The following KIAA0586 variants were observed in gnomAD, a reference collection of about 807,000 sequenced individuals.
The protein encoded by KIAA0586 is KIAA0586, also known as protein TALPID3.
A neutral mutation model predicts 169.8 loss-of-function variants in KIAA0586; 144 were observed. That is an observed-to-expected ratio of 0.85 (90% confidence interval 0.74 to 0.97). KIAA0586 has a LOEUF of 0.97. Among genes scored for constraint, KIAA0586 ranks in the 50% least tolerant of loss-of-function variants. The probability of loss-of-function intolerance (pLI) is 0.00; values close to 1 mark genes in which losing one functional copy is unlikely to be tolerated. For synonymous variants in KIAA0586, 625 were observed against 612.4 expected, an observed-to-expected ratio of 1.02 and a Z score of -0.30; for missense variants, 1,854 against 1,823.0, an observed-to-expected ratio of 1.02 and a Z score of -0.31.
In KIAA0586 at chr14:58,548,627, G is replaced by A. The variant is rs1479717618; in HGVS notation, c.*695G>A. 1 of 152,158 alleles carries A rather than the reference G, an allele frequency of 6.6e-6. No individual in the cohort carries two copies. The highest frequency in any genetic ancestry group is 1.5e-5 in the Non-Finnish European group (1 of 68,032). The allele number at this position is 152,158 out of a possible 1,614,324, so 9.4% of individuals were successfully genotyped here. On this transcript the variant is annotated 3_prime_UTR_variant, in exon 31 of 31. Coordinates refer to ENST00000652326, the MANE Select transcript of KIAA0586 (RefSeq NM_001329943.3). The stretch of plus-strand genomic sequence containing the variant: ...GGCTGGGTGATAGGAGAGGCTAAGT[G>A]ATAGGAATCAAGGATAATCGTGGTT...
chr14:58,531,795 A>G (rs536785222), intron 29 of KIAA0586, among the ~76,000 whole-genome samples: 1 of 152,216 alleles, frequency 6.6e-6, no homozygotes, highest in Non-Finnish European at 1.5e-5. Flanking sequence ...AATGCCCATC[A>G]ATGATTGACT....
rs936885536 is a variant in KIAA0586 at position 58,448,215 on chromosome 14, C to T, written c.808-125C>T. 18 of 641,342 alleles carry T rather than the reference C, an allele frequency of 2.8e-5. No homozygotes were observed. The East Asian group carries it at 5.1e-4, about 18-fold the overall frequency. The allele number at this position is 641,342 out of a possible 1,614,324, so 39.7% of individuals were successfully genotyped here. A position where few individuals can be genotyped will look rare whatever the true frequency, so the allele number is the denominator to read the frequency against. Reference sequence around the variant, plus strand: ...TACAGTGGATACTTGCAATGTAATACATATTTTTCATTGTTTATTAAATGC... The same window carrying T: ...TACAGTGGATACTTGCAATGTAATATATATTTTTCATTGTTTATTAAATGC... On this transcript the variant is annotated intron_variant, in intron 6 of 30. Transcript: ENST00000652326.
chr14:58,456,772 C>G lies in KIAA0586; in HGVS notation c.1324C>G (p.Leu442Val). 2 of 1,603,610 alleles carry G rather than the reference C, an allele frequency of 1.2e-6. No individual in the cohort carries two copies. The highest frequency in any genetic ancestry group is 2.2e-5 in the East Asian group (1 of 44,680). ...GAAGTCTGATGATGTTCTTCATGAC[C>G]TTGGCCAAAAAGAGAAAGAAACAAA... is the stretch of plus-strand genomic sequence containing the variant. ...MQKSDDVLHD[L>V]GQKEKETNSM... is the part of the protein sequence containing the mutation. Residue 442 changes from leucine to valine, a missense_variant, in exon 10 of 31, where the codon CTT becomes GTT. Coordinates refer to ENST00000652326, the MANE Select transcript of KIAA0586 (RefSeq NM_001329943.3).
rs2047193403 is a variant in KIAA0586 at position 58,551,220 on chromosome 14, C to T, written c.*3288C>T. 1 of 151,854 alleles carries T rather than the reference C, an allele frequency of 6.6e-6. No individual in the cohort carries two copies. 9.4% of individuals were successfully genotyped at this position (151,854 alleles called of 1,614,324 possible). A position where few individuals can be genotyped will look rare whatever the true frequency, so the allele number is the denominator to read the frequency against. ...AAATAAATAAATAAATAAAATGTTC[C>T]TCTGTTTTAAATCCTAAATTCGTTC... On this transcript the variant is annotated 3_prime_UTR_variant, in exon 31 of 31. Coordinates refer to ENST00000652326, the MANE Select transcript of KIAA0586 (RefSeq NM_001329943.3).
chr14:58,473,900 C>CT (rs1284168953), intron 18 of KIAA0586, among the ~76,000 whole-genome samples: 1 of 151,748 alleles, frequency 6.6e-6, no homozygotes, highest in Non-Finnish European at 1.5e-5. Context: ...GAGTGAAACT[C>CT]TGTCTTAAAG....
At chr14:58,516,956 C>G (rs939258590) in intron 29 of KIAA0586, among the ~76,000 whole-genome samples, 1 of 152,010 alleles carries the variant, frequency 6.6e-6, no homozygotes, top group Non-Finnish European at 1.5e-5. Context: ...AAAAAAGAAC[C>G]TCAATCTATA....
intron 24 of KIAA0586, among the ~76,000 whole-genome samples, 200 bp downstream of exon 24, chr14:58,489,074 C>T (rs879524779): frequency 3.9e-5 from 6 of 152,112 alleles, no homozygotes; most frequent in African/African-American, 1.2e-4. Flanking sequence ...ATCCCACCCT[C>T]CAGAAATAAT....
intron 30 of KIAA0586, among the ~76,000 whole-genome samples, chr14:58,546,162 T>C (rs2046968408): frequency 6.6e-6 from 1 of 152,242 alleles, no homozygotes; most frequent in Non-Finnish European, 1.5e-5. Flanking sequence ...TAAAACTTGT[T>C]TTCTTTTTAA....
At chr14:58,465,751 TGAAGAG>T in intron 14 of KIAA0586, 78 bp from the exon 15 acceptor site, 1 of 824,390 alleles carries the variant, frequency 1.2e-6, no homozygotes, top group Non-Finnish European at 1.8e-6. Flanking sequence ...GATTTTTCTG[TGAAGAG>T]CTGTTGTATT....
chr14:58,528,391 C>T (rs951398416), intron 29 of KIAA0586, among the ~76,000 whole-genome samples: 2 of 152,196 alleles, frequency 1.3e-5, no homozygotes, highest in African/African-American at 4.8e-5. Flanking sequence ...CCCAAATCAA[C>T]AGAGTATACA....
At chr14:58,519,391 A>T (rs1359602209) in intron 29 of KIAA0586, among the ~76,000 whole-genome samples, 2 of 152,152 alleles carry the variant, frequency 1.3e-5, no homozygotes, top group Non-Finnish European at 2.9e-5. Flanking sequence ...GGTGTGTGCC[A>T]TCATGCCTGA....
rs369143869 is a variant in KIAA0586 at position 58,442,871 on chromosome 14, G to A, written c.576G>A (p.Pro192=). Residue 192 remains proline (P), a synonymous_variant, in exon 5 of 31, where the codon CCG becomes CCA. Coordinates refer to ENST00000652326, the MANE Select transcript of KIAA0586 (RefSeq NM_001329943.3). ...CTGCTGCCATTGCAACCGCAGCTCC[G>A]TTGATAAAGGTATATTTTTCTTCCC... ...ATAAAIATAA[P]LIKVQSDLEA... 39 of 1,600,784 alleles carry A rather than the reference G, an allele frequency of 2.4e-5. No homozygotes were observed. The highest frequency in any genetic ancestry group is 8.0e-5 in the African/African-American group (6 of 74,544).
At position 58,508,691 on chromosome 14, in the gene KIAA0586, C is replaced by G. The variant is rs144692893; in HGVS notation, c.4305C>G (p.Ala1435=). 8.8e-6 allele frequency: 14 copies of G among 1,587,638 alleles called. No individual in the cohort carries two copies. The highest frequency in any genetic ancestry group is 1.1e-5 in the Non-Finnish European group (13 of 1,166,188). Residue 1435 remains alanine (A), a synonymous_variant, in exon 28 of 31, where the codon GCC becomes GCG. Transcript: ENST00000652326. ...AAAATGATGTTAATTTACCAGTAGC[C>G]GCTGAAGATTTTTCCCAGGTACCAA... ...AQENDVNLPV[A]AEDFSQYQLK...
At chr14:58,460,946 G>T in intron 13 of KIAA0586, 40 bp from the exon 14 acceptor site, 1 of 1,424,102 alleles carries the variant, frequency 7.0e-7, no homozygotes, top group South Asian at 1.6e-5. Context: ...AGTGTTTGAT[G>T]ACTGTTTTCA....
intron 4 of KIAA0586, among the ~76,000 whole-genome samples, chr14:58,434,438 T>G (rs2037642111): frequency 6.6e-6 from 1 of 152,070 alleles, no homozygotes; most frequent in African/African-American, 2.4e-5. Context: ...TCTTGAAAAA[T>G]TTTAAGAAAC....
chr14:58,440,049 A>T lies in KIAA0586; in HGVS notation c.411-2657A>T, dbSNP rs1175271813. On this transcript the variant is annotated intron_variant, in intron 4 of 30. Coordinates refer to ENST00000652326, the MANE Select transcript of KIAA0586 (RefSeq NM_001329943.3). ...TTTCAGGGTCTTTTTTTAATTTTTA[A>T]TTTTTTTTTTTTTTTTCTAGAGACA... 1.1e-3 allele frequency: 184 copies of T among 164,164 alleles called. 1 individual carries two copies. Among genetic ancestry groups the T allele is most frequent in the Middle Eastern group, 4.7e-3 (2 of 422 alleles). 10.2% of individuals were successfully genotyped at this position (164,164 alleles called of 1,614,324 possible).
upstream of KIAA0586, chr14:58,427,487 T>C (rs939053088): frequency 2.7e-6 from 3 of 1,121,506 alleles, no homozygotes; most frequent in African/African-American, 3.1e-5. Context: ...TCTTCAAGTC[T>C]TGGATGAGAC....
intron 4 of KIAA0586, among the ~76,000 whole-genome samples, chr14:58,439,433 C>T (rs2038111393): frequency 6.6e-6 from 1 of 152,098 alleles, no homozygotes; most frequent in Non-Finnish European, 1.5e-5. Context: ...GTGATCCGCC[C>T]GCCTCAGCCT....
chr14:58,495,675 A>G (rs1307489633), intron 26 of KIAA0586, among the ~76,000 whole-genome samples: 1 of 152,116 alleles, frequency 6.6e-6, no homozygotes, highest in Non-Finnish European at 1.5e-5. Context: ...AGGCTTTTTA[A>G]AATTTAACAT....
Sources: gnomAD v4.1 joint callset for allele counts (sites outside exome capture counted in the v4.1 genomes callset) on GRCh38, gnomAD v4.1.1 for gene constraint, MANE v1.5 for transcripts, NCBI Gene and HGNC (gene_info 2026-07-23, HGNC 2026-07-21) for gene names.